RFX4: variants seen among roughly 807,000 people sequenced by gnomAD.
RFX4 encodes regulatory factor X4.
In RFX4, 10 loss-of-function variants were observed where a neutral mutation model predicts 95.0. The observed-to-expected ratio is 0.11, with a 90% CI of 0.06 to 0.18. RFX4 has a LOEUF of 0.18. Ranked by LOEUF, RFX4 falls within the 10% of genes least tolerant of loss-of-function variation. The pLI, the probability that RFX4 is intolerant of heterozygous loss-of-function variation, is 1.00. For missense variants in RFX4, 640 were observed against 922.0 expected, an observed-to-expected ratio of 0.69 and a Z score of 3.96; for synonymous variants, 321 against 340.7, an observed-to-expected ratio of 0.94 and a Z score of 0.64.
intron 13 of RFX4, among the ~76,000 whole-genome samples, chr12:106,729,219 A>G (rs1193221025): frequency 1.3e-5 from 2 of 152,036 alleles, no homozygotes; most frequent in East Asian, 3.8e-4. Context: ...TTCATAGTAC[A>G]TTTCTCTCTT....
At chr12:106,715,249 C>A in intron 10 of RFX4, 151 bp from the exon 11 acceptor site, 1 of 801,440 alleles carries the variant, frequency 1.2e-6, no homozygotes, top group Non-Finnish European at 1.9e-6. Flanking sequence ...GTTACAGAGT[C>A]TTCTGGTGCT....
Position 106,586,323 on chromosome 12 carries a change from C to A in RFX4, c.43+2960C>A, listed in dbSNP as rs189366709. ...AGCCCCGCGTGGCCTGCGCTCCCCA[C>A]GCGGGCCACCGGCAGCTACGTGTTT... On this transcript the variant is annotated intron_variant, in intron 1 of 17. Coordinates refer to ENST00000392842, the MANE Select transcript of RFX4 (RefSeq NM_213594.3). The surrounding 1 kb of genome is among the most constrained non-coding windows in gnomAD (Gnocchi z 5.6). Among the ~76,000 whole-genome samples, 25 of 152,240 alleles carry A rather than the reference C, an allele frequency of 1.6e-4. No homozygotes were observed. The highest frequency in any genetic ancestry group is 3.2e-4 in the Non-Finnish European group (22 of 67,996).
intron 2 of RFX4, 126 bp downstream of exon 2, chr12:106,609,009 A>C: frequency 1.4e-6 from 1 of 737,132 alleles, no homozygotes; most frequent in South Asian, 1.9e-5. Flanking sequence ...CTAGCTATTT[A>C]TGAAATATCC....
intron 1 of RFX4, among the ~76,000 whole-genome samples, chr12:106,591,517 C>T (rs1183412299): frequency 2.0e-5 from 3 of 152,052 alleles, no homozygotes; most frequent in African/African-American, 4.8e-5. Context: ...CCACCCACCT[C>T]GGCCTCCCAA....
intron 5 of RFX4, chr12:106,682,526 G>A (rs1592933046): frequency 6.4e-6 from 1 of 156,598 alleles, no homozygotes; most frequent in East Asian, 1.9e-4. Context: ...CCATTCATCA[G>A]TTTCATCAAG....
At chr12:106,684,693 C>T in intron 5 of RFX4, 2 of 1,476,242 alleles carry the variant, frequency 1.4e-6, no homozygotes, top group East Asian at 2.5e-5. Flanking sequence ...CTCCCCCACC[C>T]ACAGAGTGAG....
chr12:106,597,715 C>A (rs2039642707), intron 1 of RFX4, among the ~76,000 whole-genome samples: 1 of 152,044 alleles, frequency 6.6e-6, no homozygotes, highest in Non-Finnish European at 1.5e-5. Context: ...AATAACATGG[C>A]CAGGTGTGGT....
At chr12:106,623,889 GAGT>G (rs2040236626) in intron 2 of RFX4, among the ~76,000 whole-genome samples, 1 of 152,246 alleles carries the variant, frequency 6.6e-6, no homozygotes, top group African/African-American at 2.4e-5. Flanking sequence ...AGATGGGAAG[GAGT>G]AGGCTCCGGG....
intron 13 of RFX4, among the ~76,000 whole-genome samples, chr12:106,731,340 T>C (rs1271072851): frequency 1.3e-5 from 2 of 152,208 alleles, no homozygotes; most frequent in African/African-American, 4.8e-5. Context: ...CTTGCATAAG[T>C]GCTTGGCCTG....
At chr12:106,595,436 C>T (rs1390308791) in intron 1 of RFX4, among the ~76,000 whole-genome samples, 4 of 152,178 alleles carry the variant, frequency 2.6e-5, no homozygotes, top group African/African-American at 4.8e-5. Context: ...TGTCAGTGGG[C>T]GACTGGGTGC....
At chr12:106,713,943 A>G (rs1229138800) in intron 10 of RFX4, among the ~76,000 whole-genome samples, 1 of 151,598 alleles carries the variant, frequency 6.6e-6, no homozygotes, top group African/African-American at 2.4e-5. Flanking sequence ...GGCAGCATGC[A>G]CCTATAGTCC....
rs988654510 is a variant in RFX4, at chr12:106,720,612, A to C, written c.1234-147A>C. 2.3e-5 allele frequency: 16 copies of C among 708,008 alleles called. No homozygotes were observed. The highest frequency in any genetic ancestry group is 3.5e-5 in the African/African-American group (2 of 56,562). 43.9% of individuals were successfully genotyped at this position (708,008 alleles called of 1,614,324 possible). A position where few individuals can be genotyped will look rare whatever the true frequency, so the allele number is the denominator to read the frequency against. On this transcript the variant is annotated intron_variant, in intron 12 of 17. Coordinates refer to ENST00000392842, the MANE Select transcript of RFX4 (RefSeq NM_213594.3). The surrounding 1 kb of genome is among the most constrained non-coding windows in gnomAD (Gnocchi z 4.2). ...TTGCCCAGGCTGGTCTCAAACTCCT[A>C]GGCTCATGCGATCATCCGCCCACCT...
At chr12:106,622,764 G>A (rs964796727) in intron 2 of RFX4, among the ~76,000 whole-genome samples, 2 of 151,936 alleles carry the variant, frequency 1.3e-5, no homozygotes, top group South Asian at 4.1e-4. Context: ...TGGACTACAG[G>A]CACGTGCCAC....
intron 3 of RFX4, among the ~76,000 whole-genome samples, chr12:106,645,040 C>T (rs543864635): frequency 6.6e-6 from 1 of 152,232 alleles, no homozygotes; most frequent in Non-Finnish European, 1.5e-5. Flanking sequence ...AACCCCCTCC[C>T]CCTCCCCCTA....
intron 8 of RFX4, among the ~76,000 whole-genome samples, chr12:106,698,810 T>C (rs2041933797): frequency 6.6e-6 from 1 of 152,146 alleles, no homozygotes; most frequent in South Asian, 2.1e-4. Context: ...TTCTTTCCTT[T>C]TTCTTGGTCA....
intron 13 of RFX4, among the ~76,000 whole-genome samples, chr12:106,728,689 CCTT>C (rs1370792219): frequency 6.6e-6 from 1 of 152,162 alleles, no homozygotes; most frequent in Non-Finnish European, 1.5e-5. Context: ...TTCTGTATCT[CCTT>C]TTCATTTTCC....
In RFX4 at chr12:106,762,747, T is replaced by G. The variant is rs1196914659; in HGVS notation, c.*1278T>G. ...CAGCTAAAATGGAAATAGTTTTATC[T>G]GTACAGTTGTGCAAGATATGAATGG... On this transcript the variant is annotated 3_prime_UTR_variant, in exon 18 of 18. Transcript: ENST00000392842. 1 of 152,080 alleles carries G rather than the reference T, an allele frequency of 6.6e-6. No individual in the cohort carries two copies. Among genetic ancestry groups the G allele is most frequent in the Non-Finnish European group, 1.5e-5 (1 of 67,992 alleles). 9.4% of individuals were successfully genotyped at this position (152,080 alleles called of 1,614,324 possible).
At chr12:106,663,256 C>T (rs1364042726) in intron 4 of RFX4, among the ~76,000 whole-genome samples, 1 of 151,918 alleles carries the variant, frequency 6.6e-6, no homozygotes, top group Non-Finnish European at 1.5e-5. Context: ...TGGTTTTCCT[C>T]GTGTAGCTCT....
intron 13 of RFX4, among the ~76,000 whole-genome samples, chr12:106,730,451 C>T (rs778953362): frequency 4.6e-5 from 7 of 152,128 alleles, no homozygotes; most frequent in South Asian, 2.1e-4. Flanking sequence ...GAACAGATTA[C>T]GGAGCCAGAC....
Sources: gnomAD v4.1 joint callset for allele counts (sites outside exome capture counted in the v4.1 genomes callset) on GRCh38, gnomAD v4.1.1 for gene constraint, Gnocchi (gnomAD v3.1) non-coding constraint, MANE v1.5 for transcripts, NCBI Gene and HGNC (gene_info 2026-07-23, HGNC 2026-07-21) for gene names.